Variants in SMARCC1 observed in about 807,000 individuals in gnomAD.
SMARCC1 encodes the protein SWI/SNF complex subunit SMARCC1.
SMARCC1 carries 43 observed loss-of-function variants against 147.4 expected under a neutral mutation model. That is an observed-to-expected ratio of 0.29 (90% CI 0.23 to 0.38). SMARCC1 has a LOEUF of 0.38. Ranked by LOEUF, SMARCC1 falls within the 10% of genes least tolerant of loss-of-function variation. The pLI, the probability that SMARCC1 is intolerant of heterozygous loss-of-function variation, is 1.00. For missense variants in SMARCC1, 1,119 were observed against 1,381.1 expected, an observed-to-expected ratio of 0.81 and a Z score of 3.01; for synonymous variants, 495 against 484.4, an observed-to-expected ratio of 1.02 and a Z score of -0.29.
At chr3:47,643,956 T>A (rs2033084650) in intron 21 of SMARCC1, among the ~76,000 whole-genome samples, 1 of 152,138 alleles carries the variant, frequency 6.6e-6, no homozygotes, top group South Asian at 2.1e-4. Flanking sequence ...TCTGGAAGGC[T>A]GGTGTGGGAG....
chr3:47,683,292 C>T (rs970612817), intron 14 of SMARCC1, among the ~76,000 whole-genome samples: 6 of 151,992 alleles, frequency 3.9e-5, no homozygotes, highest in Non-Finnish European at 7.4e-5. Flanking sequence ...GTGATCCACC[C>T]GCCTTGGCCT....
chr3:47,655,357 C>G (rs979061093), intron 21 of SMARCC1, among the ~76,000 whole-genome samples: 2 of 152,104 alleles, frequency 1.3e-5, no homozygotes, highest in African/African-American at 4.8e-5. Flanking sequence ...TGTGATCACG[C>G]CACCGTACTC....
chr3:47,755,299 G>A (rs746294013), intron 2 of SMARCC1, among the ~76,000 whole-genome samples: 4 of 151,260 alleles, frequency 2.6e-5, no homozygotes, highest in East Asian at 2.0e-4. Context: ...TTAGGAGATC[G>A]AGACCATCCT....
chr3:47,624,163 T>C (rs983505157), intron 24 of SMARCC1, among the ~76,000 whole-genome samples: 3 of 151,868 alleles, frequency 2.0e-5, no homozygotes, highest in African/African-American at 7.3e-5. Context: ...TGGTGGTGCA[T>C]GTCTGTAATC....
intron 6 of SMARCC1, among the ~76,000 whole-genome samples, chr3:47,728,161 A>T (rs553085431): frequency 7.4e-4 from 94 of 127,328 alleles, no homozygotes; most frequent in South Asian, 2.9e-3. Flanking sequence ...ATCTTGACTC[A>T]CTGCAACCTC....
chr3:47,732,911 C>T (rs1237892259), intron 5 of SMARCC1, among the ~76,000 whole-genome samples: 1 of 151,190 alleles, frequency 6.6e-6, no homozygotes, highest in Non-Finnish European at 1.5e-5. Context: ...AGTTCAAGAC[C>T]AGCCTGGCCA....
chr3:47,715,491 G>C (rs1417905494), intron 7 of SMARCC1, among the ~76,000 whole-genome samples: 1 of 152,078 alleles, frequency 6.6e-6, no homozygotes, highest in Non-Finnish European at 1.5e-5. Context: ...AACTTCAAAA[G>C]TATGTCTAGA....
chr3:47,598,862 GACACACACACACAC>G (rs113400730), intron 26 of SMARCC1, among the ~76,000 whole-genome samples: 3 of 128,124 alleles, frequency 2.3e-5, no homozygotes, highest in South Asian at 2.5e-4. Flanking sequence ...GAGAGAGAGA[GACACACACACACAC>G]ACACACACAC....
In SMARCC1 at chr3:47,701,280, T is replaced by C; in HGVS notation, c.1163A>G (p.Asn388Ser). 6.2e-7 allele frequency: 1 copy of C among 1,612,136 alleles called. No homozygotes were observed. The change falls in exon 11 of 28, where the codon AAT (asparagine) becomes AGT (serine). Residue 388 changes from asparagine (N) to serine (S), a missense_variant and splice_region_variant. Around this residue, in one of 6 missense-constraint regions of SMARCC1, gnomAD observed 542 missense variants for 611.8 expected, o/e 0.89. Coordinates refer to ENST00000254480, the MANE Select transcript of SMARCC1 (RefSeq NM_003074.4). The stretch of plus-strand genomic sequence containing the variant: ...CTCTCATGCAGAAGAATACAAACCA[T>C]TTTTGGGAAGTACTACTTCTTCTAT... Reference protein sequence around the residue: ...PNIEEVVLPKNVNLKKDSENT... With the variant: ...PNIEEVVLPKSVNLKKDSENT...
intron 24 of SMARCC1, among the ~76,000 whole-genome samples, chr3:47,627,384 G>A (rs2032824731): frequency 6.6e-6 from 1 of 151,958 alleles, no homozygotes; most frequent in Non-Finnish European, 1.5e-5. Context: ...TCCAGGCCAT[G>A]GAAAAATTCT....
At chr3:47,686,254 G>A (rs1466670204) in intron 13 of SMARCC1, 84 bp from the exon 14 acceptor site, 6 of 1,119,292 alleles carry the variant, frequency 5.4e-6, no homozygotes, top group Non-Finnish European at 7.6e-6. Flanking sequence ...CAGTTGTTAG[G>A]TTAAATAAAA....
At chr3:47,655,465 G>A (rs2033248981) in intron 21 of SMARCC1, among the ~76,000 whole-genome samples, 1 of 152,040 alleles carries the variant, frequency 6.6e-6, no homozygotes, top group Non-Finnish European at 1.5e-5. Flanking sequence ...GGGAGGCTGA[G>A]GCGGGCAGAT....
chr3:47,738,081 C>T lies in SMARCC1; in HGVS notation c.431G>A (p.Arg144Gln), dbSNP rs781064681. 5.6e-6 allele frequency: 9 copies of T among 1,593,218 alleles called. No homozygotes were observed. The highest frequency in any genetic ancestry group is 1.4e-5 in the African/African-American group (1 of 73,532). ...WRRFDLQNPS[R>Q]MDRNVEMFMN... The stretch of plus-strand genomic sequence containing the variant: ...AAACATTTCCACATTACGATCCATT[C>T]GAGATGGGTTCTGTAGGTCAAACCT... Residue 144 changes from arginine (R) to glutamine (Q), a missense_variant, in exon 4 of 28, where the codon CGA (arginine) becomes CAA (glutamine). By Grantham distance (43) the Arg-to-Gln change is conservative. Around this residue, in one of 6 missense-constraint regions of SMARCC1, gnomAD observed 542 missense variants for 611.8 expected, o/e 0.89. Coordinates refer to ENST00000254480, the MANE Select transcript of SMARCC1 (RefSeq NM_003074.4).
chr3:47,624,389 T>C lies in SMARCC1; in HGVS notation c.2647-2048A>G, dbSNP rs528036039. On this transcript the variant is annotated intron_variant, in intron 24 of 27. Coordinates refer to ENST00000254480, the MANE Select transcript of SMARCC1 (RefSeq NM_003074.4). Reference sequence around the variant, plus strand: ...ACTGAAATTTTAAGAACACAAGACATAGAAAATCCTACAAGCTTTCAGAAA... The same window carrying C: ...ACTGAAATTTTAAGAACACAAGACACAGAAAATCCTACAAGCTTTCAGAAA... Among the ~76,000 whole-genome samples the C allele has an allele frequency of 7.2e-5, 11 of 151,926 alleles. No homozygotes were observed. The East Asian group carries it at 1.7e-3, about 24-fold the overall frequency.
At chr3:47,698,799 T>TA (rs1358515823) in intron 11 of SMARCC1, among the ~76,000 whole-genome samples, 3 of 151,570 alleles carry the variant, frequency 2.0e-5, no homozygotes, top group Non-Finnish European at 4.4e-5. Context: ...TTTCAATACT[T>TA]ACTAAAAAAA....
rs924394314 is a variant in SMARCC1, at chr3:47,622,460, C to A, written c.2647-119G>T. 2.9e-5 allele frequency: 26 copies of A among 907,534 alleles called. No homozygotes were observed. In the South Asian group the frequency reaches 3.8e-4, roughly 13 times the overall value. 56.2% of individuals were successfully genotyped at this position (907,534 alleles called of 1,614,324 possible). Reference sequence around the variant, plus strand: ...ATTTACAATGGTACCCTATATGTCTCCTTTGTAACGTACAATCTAAAATAA... The same window carrying A: ...ATTTACAATGGTACCCTATATGTCTACTTTGTAACGTACAATCTAAAATAA... On this transcript the variant is annotated intron_variant, in intron 24 of 27. Coordinates refer to ENST00000254480, the MANE Select transcript of SMARCC1 (RefSeq NM_003074.4).
At chr3:47,593,332 C>T (rs1464417286) in intron 26 of SMARCC1, among the ~76,000 whole-genome samples, 10 of 151,602 alleles carry the variant, frequency 6.6e-5, no homozygotes, top group South Asian at 6.2e-4. Context: ...CCACCATACC[C>T]GGATAATTTT....
At chr3:47,761,531 C>T (rs778796386) in intron 2 of SMARCC1, among the ~76,000 whole-genome samples, 9 of 151,816 alleles carry the variant, frequency 5.9e-5, no homozygotes, top group Non-Finnish European at 7.4e-5. Flanking sequence ...AGATCTGTGC[C>T]TCAGTCTCAA....
chr3:47,704,672 G>A (rs150885887), intron 10 of SMARCC1, among the ~76,000 whole-genome samples: 10 of 152,046 alleles, frequency 6.6e-5, no homozygotes, highest in African/African-American at 2.2e-4. Flanking sequence ...ATCCCAACAC[G>A]TTGGGAGGCC....
Sources: allele counts gnomAD v4.1 joint callset (sites outside exome capture counted in the v4.1 genomes callset), GRCh38; gene constraint gnomAD v4.1.1; regional missense constraint gnomAD v4.1.1; transcripts MANE v1.5; gene names NCBI Gene and HGNC (gene_info 2026-07-23, HGNC 2026-07-21).